AGBL4: variants seen among roughly 807,000 people sequenced by gnomAD.
The protein encoded by AGBL4 is cytosolic carboxypeptidase 6.
In AGBL4, 58 loss-of-function variants were observed where a neutral mutation model predicts 66.4. That is an observed-to-expected ratio of 0.87 (90% confidence interval 0.71 to 1.09). AGBL4 has a LOEUF of 1.09. Ranked by LOEUF, AGBL4 falls within the 50% of genes least tolerant of loss-of-function variation. The pLI, the probability that AGBL4 is intolerant of heterozygous loss-of-function variation, is 0.00. For synonymous variants in AGBL4, 234 were observed against 222.9 expected (o/e 1.05, Z -0.44); for missense variants, 579 against 631.0 (o/e 0.92, Z 0.88).
At chr1:48,678,029 G>T (rs1406974989) in intron 6 of AGBL4, among the ~76,000 whole-genome samples, 1 of 152,216 alleles carries the variant, frequency 6.6e-6, no homozygotes, top group Non-Finnish European at 1.5e-5. Flanking sequence ...ACACGTCATC[G>T]AAAGGAAGCA....
At chr1:49,278,532 C>T (rs138503375) in intron 3 of AGBL4, among the ~76,000 whole-genome samples, 159 of 152,262 alleles carry the variant, frequency 1.0e-3, no homozygotes, top group African/African-American at 3.7e-3. Context: ...AGACCAGATG[C>T]TTGAAGCTAT....
intron 4 of AGBL4, among the ~76,000 whole-genome samples, chr1:49,080,281 G>A (rs1644786146): frequency 6.6e-6 from 1 of 152,160 alleles, no homozygotes; most frequent in Non-Finnish European, 1.5e-5. Flanking sequence ...TTTCAAAGGT[G>A]TAAGCAGAGT....
intron 1 of AGBL4, among the ~76,000 whole-genome samples, chr1:49,977,998 G>A (rs1232528861): frequency 6.6e-6 from 1 of 152,122 alleles, no homozygotes; most frequent in Non-Finnish European, 1.5e-5. Flanking sequence ...GAGATAGGAA[G>A]CCTCAAAGAT....
chr1:49,620,660 T>G (rs1259740584), intron 3 of AGBL4, among the ~76,000 whole-genome samples: 2 of 152,118 alleles, frequency 1.3e-5, no homozygotes, highest in Admixed American at 1.3e-4. Flanking sequence ...TCAGGTTCAC[T>G]TTTCACACCT....
chr1:49,889,549 G>A (rs1408953347), intron 1 of AGBL4, among the ~76,000 whole-genome samples: 1 of 152,016 alleles, frequency 6.6e-6, no homozygotes, highest in Non-Finnish European at 1.5e-5. Flanking sequence ...AAGGTCAGGA[G>A]ATGGAGACCA....
chr1:48,901,948 T>A (rs1483020568), intron 5 of AGBL4, among the ~76,000 whole-genome samples: 1 of 152,162 alleles, frequency 6.6e-6, no homozygotes, highest in African/African-American at 2.4e-5. Context: ...TGGGGAGGCC[T>A]CACAATCATG....
intron 3 of AGBL4, among the ~76,000 whole-genome samples, chr1:49,367,106 GAAAC>G (rs765999644): frequency 2.0e-5 from 3 of 152,134 alleles, no homozygotes; most frequent in Non-Finnish European, 4.4e-5. Context: ...AATGACTAAT[GAAAC>G]AAACAAACAA....
chr1:49,891,886 T>C (rs1288845645), intron 1 of AGBL4, among the ~76,000 whole-genome samples: 1 of 152,204 alleles, frequency 6.6e-6, no homozygotes, highest in Non-Finnish European at 1.5e-5. Context: ...TGAGACTAAG[T>C]GAAAAACAAA....
intron 5 of AGBL4, among the ~76,000 whole-genome samples, chr1:49,035,729 G>T (rs994881088): frequency 6.7e-5 from 10 of 149,818 alleles, no homozygotes; most frequent in Admixed American, 1.3e-4. Context: ...ACACTCCTGG[G>T]GTGTGTGTGT....
intron 3 of AGBL4, among the ~76,000 whole-genome samples, chr1:49,281,371 T>G (rs1644268865): frequency 1.3e-5 from 2 of 152,168 alleles, no homozygotes; most frequent in Non-Finnish European, 2.9e-5. Flanking sequence ...CTTGGGGGTT[T>G]ATGGTGGTTA....
At chr1:49,764,062 C>T (rs1187109383) in intron 2 of AGBL4, among the ~76,000 whole-genome samples, 4 of 152,166 alleles carry the variant, frequency 2.6e-5, no homozygotes, top group Non-Finnish European at 5.9e-5. Context: ...CGCTGCGCAA[C>T]CCCCTACATC....
intron 3 of AGBL4, among the ~76,000 whole-genome samples, chr1:49,437,177 A>T (rs1275368830): frequency 2.0e-5 from 3 of 152,142 alleles, no homozygotes; most frequent in Admixed American, 2.0e-4. Flanking sequence ...GCTTTTTTCC[A>T]TTATCTTGAT....
intron 6 of AGBL4, among the ~76,000 whole-genome samples, chr1:48,848,763 A>C (rs971395454): frequency 6.6e-6 from 1 of 152,144 alleles, no homozygotes; most frequent in African/African-American, 2.4e-5. Context: ...CACACTCATT[A>C]TAGGAGTACC....
chr1:49,561,461 C>T (rs1198669642), intron 3 of AGBL4, among the ~76,000 whole-genome samples: 1 of 151,824 alleles, frequency 6.6e-6, no homozygotes, highest in East Asian at 1.9e-4. Flanking sequence ...TCCCCCCTCC[C>T]CCCAACCCAC....
At chr1:48,786,711 C>T (rs766129777) in intron 6 of AGBL4, among the ~76,000 whole-genome samples, 21 of 152,150 alleles carry the variant, frequency 1.4e-4, no homozygotes, top group Non-Finnish European at 2.5e-4. Context: ...ACTGTTGAAG[C>T]AGATTTCTAC....
chr1:48,724,484 T>C (rs1222487717), intron 6 of AGBL4, among the ~76,000 whole-genome samples: 1 of 152,148 alleles, frequency 6.6e-6, no homozygotes, highest in Admixed American at 6.5e-5. Flanking sequence ...TTTATGTTGG[T>C]CCACTTTGTG....
chr1:48,878,371 G>C (rs1353456836), intron 5 of AGBL4, among the ~76,000 whole-genome samples: 1 of 152,112 alleles, frequency 6.6e-6, no homozygotes, highest in Non-Finnish European at 1.5e-5. Context: ...ACTTGGTGTA[G>C]GAATCAACAA....
At chr1:49,440,219 G>A (rs1028879280) in intron 3 of AGBL4, among the ~76,000 whole-genome samples, 24 of 151,876 alleles carry the variant, frequency 1.6e-4, no homozygotes, top group Admixed American at 4.6e-4. Context: ...ATAGGCGCCC[G>A]CCACCACGCT....
At chr1:49,102,754 G>T (rs944033915) in intron 4 of AGBL4, among the ~76,000 whole-genome samples, 1 of 152,112 alleles carries the variant, frequency 6.6e-6, no homozygotes, top group African/African-American at 2.4e-5. Flanking sequence ...GCTTAGAAAG[G>T]TTAACTGAGT....
Sources: allele counts gnomAD v4.1 joint callset (sites outside exome capture counted in the v4.1 genomes callset), GRCh38; gene constraint gnomAD v4.1.1; transcripts MANE v1.5; gene names NCBI Gene and HGNC (gene_info 2026-07-23, HGNC 2026-07-21).